Variants in CHST3 observed in about 807,000 individuals in gnomAD.
The protein encoded by CHST3 is C6ST-1.
In CHST3, 20 loss-of-function variants were observed where a neutral mutation model predicts 35.4. The ratio of observed to expected loss-of-function variants is 0.57; its 90% CI spans 0.40 to 0.82. The LOEUF is 0.82. CHST3 is among the 40% of genes least tolerant of loss of function. CHST3 has a pLI of 0.00. For synonymous variants in CHST3, 334 were observed against 295.9 expected, an observed-to-expected ratio of 1.13 and a Z score of -1.32; for missense variants, 693 against 670.1, an observed-to-expected ratio of 1.03 and a Z score of -0.38.
At chr10:71,968,639 GC>G (rs1337879796) in intron 1 of CHST3, among the ~76,000 whole-genome samples, 1 of 152,184 alleles carries the variant, frequency 6.6e-6, no homozygotes, top group African/African-American at 2.4e-5. Context: ...CAGGGAAACA[GC>G]CCTGATGCTT....
In CHST3 at chr10:71,973,869, G is replaced by A. The variant is rs550307030; in HGVS notation, c.-108+9175G>A. Among the ~76,000 whole-genome samples, 9 of 152,358 alleles carry A rather than the reference G, an allele frequency of 5.9e-5. No individual in the cohort carries two copies. In the South Asian group the frequency reaches 1.9e-3, roughly 32 times the overall value. ...CCGATTGAAGACAGGGACTGGTGAGGAGTCTGGCTGGACTGAACTGAAATG... is the reference window on the plus strand; with the variant it reads ...CCGATTGAAGACAGGGACTGGTGAGAAGTCTGGCTGGACTGAACTGAAATG... On this transcript the variant is annotated intron_variant, in intron 1 of 2. Coordinates refer to ENST00000373115, the MANE Select transcript of CHST3 (RefSeq NM_004273.5).
At chr10:71,970,030 C>G (rs1016442234) in intron 1 of CHST3, among the ~76,000 whole-genome samples, 3 of 152,238 alleles carry the variant, frequency 2.0e-5, no homozygotes, top group Non-Finnish European at 1.5e-5. Flanking sequence ...CTACCCTGAG[C>G]GCGTGGACTC....
intron 1 of CHST3, among the ~76,000 whole-genome samples, chr10:71,996,374 CGTT>C (rs1245474149): frequency 2.1e-5 from 3 of 145,448 alleles, no homozygotes; most frequent in South Asian, 4.4e-4. Context: ...CTTTGTCAGA[CGTT>C]GTGCCAAGAC....
chr10:71,989,007 T>C (rs1839874084), intron 1 of CHST3, among the ~76,000 whole-genome samples: 1 of 151,934 alleles, frequency 6.6e-6, no homozygotes, highest in Non-Finnish European at 1.5e-5. Flanking sequence ...TACAAAAATG[T>C]AAAAATTAGC....
intron 1 of CHST3, among the ~76,000 whole-genome samples, chr10:71,970,449 C>G (rs1212321317): frequency 1.3e-5 from 2 of 152,174 alleles, no homozygotes; most frequent in Non-Finnish European, 2.9e-5. Context: ...GAGGCCAGCC[C>G]GGGATGTTCT....
intron 1 of CHST3, among the ~76,000 whole-genome samples, chr10:71,998,581 C>A (rs1839963408): frequency 1.3e-5 from 2 of 152,250 alleles, no homozygotes; most frequent in African/African-American, 4.8e-5. Flanking sequence ...CCCCACAGCC[C>A]CACTCAGGCA....
rs1297438786 is a variant in CHST3, at chr10:72,012,444, T to G, written c.*3973T>G. 6.6e-6 allele frequency: 1 copy of G among 152,470 alleles called. No homozygotes were observed. Among genetic ancestry groups the G allele is most frequent in the Non-Finnish European group, 1.5e-5 (1 of 68,342 alleles). 9.4% of individuals were successfully genotyped at this position (152,470 alleles called of 1,614,324 possible). The stretch of plus-strand genomic sequence containing the variant: ...TGGGAGGATTGCTTGAGCCCAAGAG[T>G]TGGAGACCAGCCTGGGCAACATGGT... On this transcript the variant is annotated 3_prime_UTR_variant, in exon 3 of 3. Transcript: ENST00000373115.
intron 1 of CHST3, among the ~76,000 whole-genome samples, chr10:71,996,072 T>G (rs1423617942): frequency 6.6e-6 from 1 of 152,150 alleles, no homozygotes; most frequent in Non-Finnish European, 1.5e-5. Flanking sequence ...AGTAATAATA[T>G]AAAATTAGCT....
At chr10:72,001,152 G>C (rs1433212596) in intron 1 of CHST3, among the ~76,000 whole-genome samples, 1 of 152,216 alleles carries the variant, frequency 6.6e-6, no homozygotes, top group East Asian at 1.9e-4. Flanking sequence ...GGTTGGGCTG[G>C]CTCTGCCCAG....
rs1434449590 is a variant in CHST3, at chr10:72,007,618, TC to T, written c.589del (p.Leu197CysfsTer19). ...LVYRDVLKQL[F>X]LCDLYVLEHF... ...TACCGCGACGTGCTCAAGCAGCTCT[TC>T]CTGTGCGACCTGTACGTGCTGGAGC... On this transcript the variant is annotated frameshift_variant, in exon 3 of 3. Transcript: ENST00000373115. LOFTEE classifies it high-confidence loss of function. 6.2e-7 allele frequency: 1 copy of T among 1,610,138 alleles called. No individual in the cohort carries two copies. The highest frequency in any genetic ancestry group is 8.5e-7 in the Non-Finnish European group (1 of 1,179,620).
chr10:72,003,439 C>T (rs572404850), intron 1 of CHST3, among the ~76,000 whole-genome samples: 1 of 152,186 alleles, frequency 6.6e-6, no homozygotes, highest in Non-Finnish European at 1.5e-5. Flanking sequence ...GTGGCTCACA[C>T]CTGTAATCCC....
At chr10:71,994,975 A>T (rs1839926462) in intron 1 of CHST3, among the ~76,000 whole-genome samples, 1 of 152,204 alleles carries the variant, frequency 6.6e-6, no homozygotes, top group African/African-American at 2.4e-5. Flanking sequence ...GAAGAGAGTT[A>T]GGGACATGCT....
At chr10:71,974,906 G>C (rs1430240742) in intron 1 of CHST3, among the ~76,000 whole-genome samples, 1 of 152,136 alleles carries the variant, frequency 6.6e-6, no homozygotes, top group Non-Finnish European at 1.5e-5. Flanking sequence ...CACTGCTGAG[G>C]CAGAAGCTTC....
chr10:71,983,404 G>A (rs1839819092), intron 1 of CHST3, among the ~76,000 whole-genome samples: 1 of 151,952 alleles, frequency 6.6e-6, no homozygotes, highest in African/African-American at 2.4e-5. Flanking sequence ...TGGCCCTGGT[G>A]CCTCCAAAAT....
At chr10:71,971,126 G>A (rs573584893) in intron 1 of CHST3, among the ~76,000 whole-genome samples, 7 of 152,274 alleles carry the variant, frequency 4.6e-5, no homozygotes, top group Admixed American at 1.3e-4. Flanking sequence ...GCTTGGCAGC[G>A]GAGGGTCCTC....
At chr10:72,002,600 G>A (rs369809169) in intron 1 of CHST3, among the ~76,000 whole-genome samples, 43 of 152,342 alleles carry the variant, frequency 2.8e-4, no homozygotes, top group African/African-American at 9.9e-4. Flanking sequence ...GGAAGGACTA[G>A]AGCCCAGGAC....
chr10:71,994,411 CCAGGTG>C (rs1231352663), intron 1 of CHST3, among the ~76,000 whole-genome samples: 1 of 152,140 alleles, frequency 6.6e-6, no homozygotes, highest in Non-Finnish European at 1.5e-5. Flanking sequence ...TCTTGGGAGA[CCAGGTG>C]CATTGTCAAT....
chr10:71,977,068 C>G (rs182201718), intron 1 of CHST3, among the ~76,000 whole-genome samples: 1 of 152,330 alleles, frequency 6.6e-6, no homozygotes, highest in Admixed American at 6.5e-5. Context: ...GAGGCACAAC[C>G]TGAAAAATAA....
chr10:71,966,144 C>T (rs1839630315), intron 1 of CHST3, among the ~76,000 whole-genome samples: 1 of 152,010 alleles, frequency 6.6e-6, no homozygotes, highest in Admixed American at 6.6e-5. Context: ...AAGAGATGGG[C>T]CGTGCTGCTG....
Sources: gnomAD v4.1 joint callset for allele counts (sites outside exome capture counted in the v4.1 genomes callset) on GRCh38, gnomAD v4.1.1 for gene constraint, MANE v1.5 for transcripts, NCBI Gene and HGNC (gene_info 2026-07-23, HGNC 2026-07-21) for gene names.